Variants in MTOR observed in about 807,000 individuals in gnomAD.
MTOR encodes the protein serine/threonine-protein kinase mTOR.
In MTOR, 70 loss-of-function variants were observed where a neutral mutation model predicts 319.8. The ratio of observed to expected loss-of-function variants is 0.22; its 90% CI spans 0.18 to 0.27. The LOEUF is 0.27. Among genes scored for constraint, MTOR ranks in the 10% least tolerant of loss-of-function variants. The probability of loss-of-function intolerance (pLI) is 1.00; values close to 1 mark genes in which losing one functional copy is unlikely to be tolerated. For synonymous variants in MTOR, 1,183 were observed against 1,211.4 expected (o/e 0.98, Z 0.49); for missense variants, 1,890 against 3,274.4 (o/e 0.58, Z 10.32).
rs2100519735 is a variant in MTOR at position 11,146,742 on chromosome 1, G to A, written c.4620C>T (p.Thr1540=). 1 of 1,614,090 alleles carries A rather than the reference G, an allele frequency of 6.2e-7. No homozygotes were observed. Among genetic ancestry groups the A allele is most frequent in the Non-Finnish European group, 8.5e-7 (1 of 1,180,018 alleles). ...CAGCTCTATAAAATGCCCCATCATG[G>A]GTGTCCCGAGGGATCATACAGGTGT... is the stretch of plus-strand genomic sequence containing the variant. ...EEYTCMIPRD[T]HDGAFYRAVL... is the part of the protein sequence containing the mutation. Residue 1540 remains threonine (T), a synonymous_variant, in exon 32 of 58, where the codon ACC becomes ACT. Coordinates refer to ENST00000361445, the MANE Select transcript of MTOR (RefSeq NM_004958.4).
chr1:11,241,050 C>T (rs1013443580), intron 10 of MTOR, among the ~76,000 whole-genome samples: 2 of 151,410 alleles, frequency 1.3e-5, no homozygotes, highest in Non-Finnish European at 2.9e-5. Context: ...AGGCCAGGCG[C>T]GGTGGCTCAC....
chr1:11,110,274 C>A (rs1375456797), intron 54 of MTOR, among the ~76,000 whole-genome samples: 5 of 152,172 alleles, frequency 3.3e-5, no homozygotes, highest in African/African-American at 4.8e-5. Flanking sequence ...AGAAAAAGTC[C>A]TCAGGTGTTA....
chr1:11,197,583 C>T (rs1645828398), intron 28 of MTOR, among the ~76,000 whole-genome samples: 1 of 152,164 alleles, frequency 6.6e-6, no homozygotes, highest in African/African-American at 2.4e-5. Flanking sequence ...TCGCTGTCAT[C>T]CAGGCTAGAG....
chr1:11,251,717 C>T (rs1306277786), intron 6 of MTOR, among the ~76,000 whole-genome samples: 2 of 147,564 alleles, frequency 1.4e-5, no homozygotes, highest in African/African-American at 5.1e-5. Flanking sequence ...GTCTCAAACT[C>T]CTGAGCTCAA....
rs532711823 is a variant in MTOR at position 11,157,114 on chromosome 1, T to C, written c.4469+38A>G. On this transcript the variant is annotated intron_variant, in intron 30 of 57. Transcript: ENST00000361445. ...ATCCAAAGATCAAAGAGACGAAGTC[T>C]CTTGCAGCCACACATGCCATCATTC... 2.0e-5 allele frequency: 31 copies of C among 1,554,424 alleles called. No individual in the cohort carries two copies. The Admixed American group carries it at 5.8e-4, about 29-fold the overall frequency.
chr1:11,262,068 C>T lies in MTOR; in HGVS notation c.-15+377G>A, dbSNP rs184921323. The stretch of plus-strand genomic sequence containing the variant: ...GGACTGGATCTCTGAGAGGTGTCCA[C>T]AGTGGAGGACAAGGGGCTGACACGG... On this transcript the variant is annotated intron_variant, in intron 1 of 57. Coordinates refer to ENST00000361445, the MANE Select transcript of MTOR (RefSeq NM_004958.4). Among the ~76,000 whole-genome samples, 94 of 152,284 alleles carry T rather than the reference C, an allele frequency of 6.2e-4. 2 individuals are homozygous for T. In the South Asian group the frequency reaches 0.014, roughly 23 times the overall value.
At chr1:11,206,407 T>C (rs2300092) in intron 25 of MTOR, among the ~76,000 whole-genome samples, 85,556 of 152,040 alleles carry the variant, frequency 0.56, 27,532 homozygotes, top group East Asian at 0.78. Flanking sequence ...AGCTCCACCA[T>C]TGATGCTAGT....
At chr1:11,116,551 C>T (rs1343461162) in intron 50 of MTOR, among the ~76,000 whole-genome samples, 2 of 152,266 alleles carry the variant, frequency 1.3e-5, no homozygotes, top group Non-Finnish European at 2.9e-5. Context: ...CTCAAGTGAT[C>T]CTCCCACCTC....
Position 11,134,639 on chromosome 1 carries a change from T to A in MTOR, c.5131-173A>T, listed in dbSNP as rs1005790728. Among the ~76,000 whole-genome samples, 8 of 152,214 alleles carry A rather than the reference T, an allele frequency of 5.3e-5. No homozygotes were observed. The East Asian group carries it at 1.3e-3, about 26-fold the overall frequency. On this transcript the variant is annotated intron_variant, in intron 36 of 57. Coordinates refer to ENST00000361445, the MANE Select transcript of MTOR (RefSeq NM_004958.4). Reference sequence around the variant, plus strand: ...ACCAGGGCGTGATACTGGGAGAGACTGGGCTTTTCAAAAAGATTCATGACT... The same window carrying A: ...ACCAGGGCGTGATACTGGGAGAGACAGGGCTTTTCAAAAAGATTCATGACT...
In MTOR at chr1:11,234,018, A is replaced by C. The variant is rs982542304; in HGVS notation, c.2331+125T>G. ...TGCTTGATATGGCCCTTTGGTCTCC[A>C]AGCGTGAGAGCAAAGAAATCACCTA... On this transcript the variant is annotated intron_variant, in intron 14 of 57. Transcript: ENST00000361445. The C allele has an allele frequency of 2.1e-6, 3 of 1,409,740 alleles. No individual in the cohort carries two copies. In the African/African-American group the frequency reaches 4.3e-5, roughly 20 times the overall value. 87.3% of individuals were successfully genotyped at this position (1,409,740 alleles called of 1,614,324 possible).
intron 54 of MTOR, among the ~76,000 whole-genome samples, chr1:11,112,543 G>A (rs1190158565): frequency 6.6e-6 from 1 of 152,184 alleles, no homozygotes; most frequent in Non-Finnish European, 1.5e-5. Flanking sequence ...TCACTGTCAA[G>A]AACCACGAGA....
At chr1:11,144,416 T>A in intron 34 of MTOR, 1 of 467,868 alleles carries the variant, frequency 2.1e-6, no homozygotes, top group Non-Finnish European at 3.9e-6. Context: ...ACATTTTTTT[T>A]AATTCCTAGA....
At position 11,129,251 on chromosome 1, in the gene MTOR, C is replaced by A. The variant is rs1040137787; in HGVS notation, c.5715-300G>T. Among the ~76,000 whole-genome samples the A allele has an allele frequency of 3.3e-5, 5 of 152,204 alleles. No homozygotes were observed. Among genetic ancestry groups the A allele is most frequent in the African/African-American group, 1.2e-4 (5 of 41,462 alleles). The stretch of plus-strand genomic sequence containing the variant: ...TAACCTTTAGAAAGCCACAAGTCTG[C>A]ACATGTAAGAGTCGCTGTACGGCAG... On this transcript the variant is annotated intron_variant, in intron 40 of 57. Coordinates refer to ENST00000361445, the MANE Select transcript of MTOR (RefSeq NM_004958.4). This position sits in a 1 kb window ranked among gnomAD's most constrained non-coding sequence, Gnocchi z 4.7.
intron 46 of MTOR, 123 bp downstream of exon 46, chr1:11,126,499 G>C (rs1642845752): frequency 9.0e-7 from 1 of 1,115,564 alleles, no homozygotes; most frequent in Admixed American, 2.7e-5. Context: ...CAATGAGCAT[G>C]GGAGAGATGT....
chr1:11,132,811 C>T (rs1279192891), intron 38 of MTOR: 4 of 367,598 alleles, frequency 1.1e-5, no homozygotes, highest in Non-Finnish European at 2.0e-5. Context: ...ACAAGCAGCT[C>T]AGAGTCTGTA....
intron 28 of MTOR, among the ~76,000 whole-genome samples, chr1:11,178,894 C>T (rs776605442): frequency 6.6e-6 from 1 of 152,204 alleles, no homozygotes; most frequent in Non-Finnish European, 1.5e-5. Context: ...AACAAGCTGG[C>T]ACCTAGTGAT....
intron 32 of MTOR, chr1:11,145,363 A>AT (rs1643896728): frequency 3.0e-6 from 1 of 328,976 alleles, no homozygotes. Context: ...TCAAGAGGAC[A>AT]TAACTGGGGA....
At chr1:11,130,842 G>GC in intron 38 of MTOR, 65 bp from the exon 39 acceptor site, 1 of 1,517,148 alleles carries the variant, frequency 6.6e-7, no homozygotes. Flanking sequence ...TCAGAGGAGC[G>GC]CAAGGTCGAT....
rs1205998733 is a variant in MTOR, at chr1:11,199,597, C to T, written c.4051G>A (p.Ala1351Thr). 7 of 1,614,168 alleles carry T rather than the reference C, an allele frequency of 4.3e-6. No homozygotes were observed. Among genetic ancestry groups the T allele is most frequent in the East Asian group, 2.2e-5 (1 of 44,882 alleles). Reference protein sequence around the residue: ...IELALTSQDIAEVTQTLLNLA... With the variant: ...IELALTSQDITEVTQTLLNLA... ...TTTAAGAGGGTCTGTGTGACTTCAG[C>T]GATGTCTTGTGAGGTGAGGGCCAAC... Residue 1351 changes from alanine (A) to threonine (T), a missense_variant, in exon 27 of 58, where the codon GCT (alanine) becomes ACT (threonine). Ala to Thr is a moderately conservative substitution (Grantham distance 58, BLOSUM62 0). This residue lies in a region of MTOR where 49 missense variants were observed against 119.1 expected (regional missense o/e 0.41). Coordinates refer to ENST00000361445, the MANE Select transcript of MTOR (RefSeq NM_004958.4). The surrounding 1 kb of genome is among the most constrained non-coding windows in gnomAD (Gnocchi z 4.5).
Sources: gnomAD v4.1 joint callset for allele counts (sites outside exome capture counted in the v4.1 genomes callset) on GRCh38, gnomAD v4.1.1 for gene constraint, gnomAD v4.1.1 regional missense constraint, Gnocchi (gnomAD v3.1) non-coding constraint, MANE v1.5 for transcripts, NCBI Gene and HGNC (gene_info 2026-07-23, HGNC 2026-07-21) for gene names.